LUZP2: variants seen among roughly 807,000 people sequenced by gnomAD.
The protein encoded by LUZP2 is leucine zipper protein 2.
A neutral mutation model predicts 51.6 loss-of-function variants in LUZP2; 52 were observed. That is an observed-to-expected ratio of 1.01 (90% CI 0.81 to 1.27). The LOEUF (loss-of-function observed/expected upper bound fraction) is 1.27, where lower values mean the gene tolerates loss of function less well. LUZP2 is among the 50% of genes most tolerant of loss of function. The pLI, the probability that LUZP2 is intolerant of heterozygous loss-of-function variation, is 0.00. For missense variants in LUZP2, 436 were observed against 395.4 expected (o/e 1.10, Z -0.87); for synonymous variants, 154 against 137.3 (o/e 1.12, Z -0.85).
intron 1 of LUZP2, among the ~76,000 whole-genome samples, chr11:24,663,270 G>A (rs1346612305): frequency 1.3e-5 from 2 of 152,020 alleles, no homozygotes; most frequent in East Asian, 3.9e-4. Context: ...GAGTGCTCAT[G>A]AGATCTGATG....
intron 9 of LUZP2, among the ~76,000 whole-genome samples, chr11:25,025,817 C>T (rs958813280): frequency 2.6e-5 from 4 of 152,140 alleles, no homozygotes; most frequent in African/African-American, 9.7e-5. Flanking sequence ...GATTATAAAT[C>T]ATGCTGCTAT....
At chr11:25,041,317 A>G (rs1858051247) in intron 9 of LUZP2, among the ~76,000 whole-genome samples, 1 of 152,150 alleles carries the variant, frequency 6.6e-6, no homozygotes, top group Non-Finnish European at 1.5e-5. Context: ...AGAACAATTA[A>G]AACAATATAC....
chr11:24,685,787 C>T (rs1856879488), intron 1 of LUZP2, among the ~76,000 whole-genome samples: 1 of 152,104 alleles, frequency 6.6e-6, no homozygotes. Context: ...GTCATTAGTG[C>T]TACAACAACA....
intron 7 of LUZP2, among the ~76,000 whole-genome samples, chr11:24,968,365 A>C (rs1292339901): frequency 6.6e-6 from 1 of 152,162 alleles, no homozygotes; most frequent in East Asian, 1.9e-4. Flanking sequence ...TGTTTTAATA[A>C]AATTTGCATA....
In LUZP2 at chr11:24,728,500, T is replaced by C. The variant is rs182613250; in HGVS notation, c.63-669T>C. The stretch of plus-strand genomic sequence containing the variant: ...ACAGTCACCTGTTTTCCTGTTTTTT[T>C]CCCTCCTCCCATTCACTCCTGAGTT... On this transcript the variant is annotated intron_variant, in intron 1 of 11. Transcript: ENST00000336930. Among the ~76,000 whole-genome samples the C allele has an allele frequency of 2.6e-3, 389 of 152,086 alleles. 3 individuals are homozygous for C. Among genetic ancestry groups the C allele is most frequent in the African/African-American group, 8.9e-3 (368 of 41,552 alleles).
chr11:24,992,378 G>C (rs1460960020), intron 9 of LUZP2, among the ~76,000 whole-genome samples: 1 of 151,928 alleles, frequency 6.6e-6, no homozygotes, highest in Non-Finnish European at 1.5e-5. Flanking sequence ...ATGGGGGATG[G>C]GTGAACCATT....
chr11:24,848,022 C>G (rs59180842), intron 5 of LUZP2, among the ~76,000 whole-genome samples: 6,438 of 152,128 alleles, frequency 0.042, 196 homozygotes, highest in African/African-American at 0.078. Flanking sequence ...TGACTTTTAT[C>G]TGACTCAGTC....
intron 1 of LUZP2, among the ~76,000 whole-genome samples, chr11:24,516,080 G>A (rs1182765695): frequency 6.6e-6 from 1 of 151,842 alleles, no homozygotes; most frequent in African/African-American, 2.4e-5. Flanking sequence ...ATTTTGGATG[G>A]GCTGTTGAAA....
intron 5 of LUZP2, chr11:24,785,715 A>G (rs1340420685): frequency 4.2e-6 from 1 of 237,328 alleles, no homozygotes; most frequent in African/African-American, 2.3e-5. Flanking sequence ...ATATCAAACA[A>G]TACAATTATG....
chr11:24,776,254 A>C (rs1173918756), intron 5 of LUZP2, among the ~76,000 whole-genome samples: 1 of 152,312 alleles, frequency 6.6e-6, no homozygotes, highest in African/African-American at 2.4e-5. Context: ...TTCATATTTT[A>C]ATTAGAAACA....
intron 5 of LUZP2, among the ~76,000 whole-genome samples, chr11:24,898,135 T>C (rs1853144065): frequency 6.6e-6 from 1 of 152,212 alleles, no homozygotes; most frequent in Non-Finnish European, 1.5e-5. Flanking sequence ...ATTCATACAC[T>C]TTTATATTTG....
chr11:25,009,279 CT>C (rs1172071001), intron 9 of LUZP2, among the ~76,000 whole-genome samples: 1 of 152,064 alleles, frequency 6.6e-6, no homozygotes, highest in African/African-American at 2.4e-5. Flanking sequence ...TTTAAATGAT[CT>C]TTTACTTAAA....
At chr11:25,059,461 A>G (rs939056707) in intron 10 of LUZP2, among the ~76,000 whole-genome samples, 1 of 152,188 alleles carries the variant, frequency 6.6e-6, no homozygotes, top group Non-Finnish European at 1.5e-5. Context: ...GCCCTTTTGA[A>G]AAAATCATTC....
intron 1 of LUZP2, among the ~76,000 whole-genome samples, chr11:24,567,417 T>A (rs548809671): frequency 8.5e-5 from 13 of 152,200 alleles, no homozygotes; most frequent in South Asian, 8.3e-4. Context: ...ACAGATTTTT[T>A]AAATAATTAA....
At chr11:25,078,097 G>A (rs1859367704) in intron 11 of LUZP2, among the ~76,000 whole-genome samples, 1 of 152,060 alleles carries the variant, frequency 6.6e-6, no homozygotes, top group African/African-American at 2.4e-5. Context: ...AAGCAGAGGA[G>A]GTGAAAAGAA....
At chr11:24,926,376 TGTGTATATATATAC>T (rs1314913072) in intron 7 of LUZP2, among the ~76,000 whole-genome samples, 638 of 47,732 alleles carry the variant, frequency 0.013, 100 homozygotes, top group African/African-American at 0.055. Flanking sequence ...TATATATACG[TGTGTATATATATAC>T]GTGTGTATAT....
At chr11:25,001,462 A>G (rs1856679584) in intron 9 of LUZP2, among the ~76,000 whole-genome samples, 2 of 152,176 alleles carry the variant, frequency 1.3e-5, no homozygotes, top group South Asian at 4.1e-4. Context: ...ATTAAGATTT[A>G]GATCCCCTGT....
intron 5 of LUZP2, among the ~76,000 whole-genome samples, chr11:24,872,961 A>G (rs1852128349): frequency 6.6e-6 from 1 of 152,144 alleles, no homozygotes; most frequent in African/African-American, 2.4e-5. Context: ...GTAACACTCT[A>G]TCAAATAAAA....
intron 1 of LUZP2, among the ~76,000 whole-genome samples, chr11:24,704,620 A>C (rs1047788535): frequency 2.0e-5 from 3 of 152,066 alleles, no homozygotes; most frequent in East Asian, 3.9e-4. Flanking sequence ...ATATATATAT[A>C]TATATGAGAG....
Sources: allele counts gnomAD v4.1 joint callset (sites outside exome capture counted in the v4.1 genomes callset), GRCh38; gene constraint gnomAD v4.1.1; transcripts MANE v1.5; gene names NCBI Gene and HGNC (gene_info 2026-07-23, HGNC 2026-07-21).